The following LRRC31 variants were observed in gnomAD, a reference collection of about 807,000 sequenced individuals.
The protein encoded by LRRC31 is leucine rich repeat containing 31.
LRRC31 carries 35 observed loss-of-function variants against 46.7 expected under a neutral mutation model. The ratio of observed to expected loss-of-function variants is 0.75; its 90% CI spans 0.57 to 0.99. The LOEUF (loss-of-function observed/expected upper bound fraction) is 0.99. LRRC31 is among the 50% of genes least tolerant of loss of function. The probability of loss-of-function intolerance (pLI) is 0.00; values close to 1 mark genes in which losing one functional copy is unlikely to be tolerated. For synonymous variants in LRRC31, 236 were observed against 235.1 expected (o/e 1.00, Z -0.03); for missense variants, 613 against 626.1 (o/e 0.98, Z 0.22).
At position 169,839,860 on chromosome 3, in the gene LRRC31, CT is replaced by C. The variant is rs1474942910; in HGVS notation, c.*121del. ...AATATATATATATATTTACAAAGCT[CT>C]TGTAATATAAGTCCCATTAAATGGC... On this transcript the variant is annotated 3_prime_UTR_variant, in exon 9 of 9. Transcript: ENST00000316428. The C allele has an allele frequency of 3.6e-5, 18 of 502,706 alleles. No individual in the cohort carries two copies. The highest frequency in any genetic ancestry group is 2.0e-4 in the East Asian group (6 of 30,522). 31.1% of individuals were successfully genotyped at this position (502,706 alleles called of 1,614,324 possible).
At chr3:169,856,639 A>G in intron 4 of LRRC31, 66 bp downstream of exon 4, 2 of 1,476,438 alleles carry the variant, frequency 1.4e-6, no homozygotes, top group Non-Finnish European at 1.8e-6. Context: ...GACAAAACAC[A>G]GCAAACTTCC....
rs1182301506 is a variant in LRRC31, at chr3:169,839,902, C to A, written c.*80G>T. ...ATTAAATGGCCCAGAAGTTGAAATT[C>A]AGTTCATGACTCTGGAATTCGTTCA... On this transcript the variant is annotated 3_prime_UTR_variant, in exon 9 of 9. Coordinates refer to ENST00000316428, the MANE Select transcript of LRRC31 (RefSeq NM_024727.4). The A allele has an allele frequency of 1.3e-5, 14 of 1,086,770 alleles. No individual in the cohort carries two copies. The highest frequency in any genetic ancestry group is 1.5e-5 in the Non-Finnish European group (11 of 757,524). The allele number at this position is 1,086,770 out of a possible 1,614,324, so 67.3% of individuals were successfully genotyped here. A position where few individuals can be genotyped will look rare whatever the true frequency, so the allele number is the denominator to read the frequency against.
At chr3:169,853,146 C>G in intron 6 of LRRC31, 3 of 887,320 alleles carry the variant, frequency 3.4e-6, no homozygotes, top group Non-Finnish European at 4.1e-6. Flanking sequence ...CTTGCCATAC[C>G]GAAGCTCCCT....
At chr3:169,856,160 G>C (rs1780934395) in intron 5 of LRRC31, among the ~76,000 whole-genome samples, 176 bp downstream of exon 5, 1 of 152,112 alleles carries the variant, frequency 6.6e-6, no homozygotes, top group Non-Finnish European at 1.5e-5. Context: ...TGGGATTGCA[G>C]ATGTAAGCCA....
intron 6 of LRRC31, among the ~76,000 whole-genome samples, chr3:169,854,402 A>T (rs1282140937): frequency 6.6e-6 from 1 of 151,640 alleles, no homozygotes; most frequent in Non-Finnish European, 1.5e-5. Context: ...CACCCTGCTG[A>T]CTCTTTTTCT....
intron 6 of LRRC31, chr3:169,853,787 A>G: frequency 1.1e-6 from 1 of 874,528 alleles, no homozygotes; most frequent in Non-Finnish European, 1.4e-6. Context: ...CTAGAAACAT[A>G]TTTTACGGTC....
intron 7 of LRRC31, 73 bp downstream of exon 7, chr3:169,851,546 G>C: frequency 6.9e-7 from 1 of 1,439,702 alleles, no homozygotes; most frequent in South Asian, 1.3e-5. Context: ...GCCTTGGAAT[G>C]AAATGCAGGG....
chr3:169,857,415 C>CAT (rs1553924970), intron 3 of LRRC31, among the ~76,000 whole-genome samples: 3,131 of 98,662 alleles, frequency 0.032, 332 homozygotes, highest in African/African-American at 0.11. Flanking sequence ...TATACATATA[C>CAT]ATATATATAT....
chr3:169,867,050 TGTTTG>T lies in LRRC31; in HGVS notation c.175+2578_175+2582del, dbSNP rs1560636125. Among the ~76,000 whole-genome samples, 303 of 128,676 alleles carry T rather than the reference TGTTTG, an allele frequency of 2.4e-3. 40 individuals carry two copies. Among genetic ancestry groups the T allele is most frequent in the African/African-American group, 0.01 (265 of 25,900 alleles). 84.4% of individuals were successfully genotyped at this position (128,676 alleles called of 152,430 possible). On this transcript the variant is annotated intron_variant, in intron 1 of 8. Coordinates refer to ENST00000316428, the MANE Select transcript of LRRC31 (RefSeq NM_024727.4). ...AAATTGGCCATGGGTTTTTTTTGTT[TGTTTG>T]TTTGTTTTTTTTTTTTTGAGGGTCT...
chr3:169,843,453 C>T (rs951142478), intron 8 of LRRC31, among the ~76,000 whole-genome samples: 1 of 152,142 alleles, frequency 6.6e-6, no homozygotes, highest in Non-Finnish European at 1.5e-5. Flanking sequence ...CACAGAGAAC[C>T]GACACAAGCT....
intron 3 of LRRC31, among the ~76,000 whole-genome samples, chr3:169,857,993 T>A (rs1470495564): frequency 6.6e-6 from 1 of 152,160 alleles, no homozygotes; most frequent in Non-Finnish European, 1.5e-5. Context: ...AGCTCATGAT[T>A]GATTAGTTAT....
In LRRC31 at chr3:169,851,850, T is replaced by G. The variant is rs1576788437; in HGVS notation, c.992-64A>C. 2.0e-6 allele frequency: 3 copies of G among 1,523,946 alleles called. No homozygotes were observed. In the East Asian group the frequency reaches 6.8e-5, roughly 34 times the overall value. The allele number at this position is 1,523,946 out of a possible 1,614,324, so 94.4% of individuals were successfully genotyped here. Reference sequence around the variant, plus strand: ...TCTCACAGGGAGTCTTCTGGGTGTTTGGTTCCCACAATCTGTTTAATCTGT... The same window carrying G: ...TCTCACAGGGAGTCTTCTGGGTGTTGGGTTCCCACAATCTGTTTAATCTGT... On this transcript the variant is annotated intron_variant, in intron 6 of 8. Coordinates refer to ENST00000316428, the MANE Select transcript of LRRC31 (RefSeq NM_024727.4).
In LRRC31 at chr3:169,860,665, C is replaced by T; in HGVS notation, c.383G>A (p.Gly128Asp). The T allele has an allele frequency of 6.2e-7, 1 of 1,614,134 alleles. No individual in the cohort carries two copies. Reference protein sequence around the residue: ...ELDISWNGFVGGTLLSITQQM... With the variant: ...ELDISWNGFVDGTLLSITQQM... ...CTGAGTGATGGAAAGGAGGGTTCCACCTACAAAACCATTCCAGGAGATATC... is the reference window on the plus strand; with the variant it reads ...CTGAGTGATGGAAAGGAGGGTTCCATCTACAAAACCATTCCAGGAGATATC... Residue 128 changes from glycine (G) to aspartate (D), a missense_variant, in exon 3 of 9, where the codon GGT becomes GAT. Physicochemically the swap from Gly to Asp is moderately conservative, Grantham distance 94. Coordinates refer to ENST00000316428, the MANE Select transcript of LRRC31 (RefSeq NM_024727.4).
At chr3:169,840,454 C>T (rs1780413746) in intron 8 of LRRC31, 141 bp from the exon 9 acceptor site, 2 of 881,810 alleles carry the variant, frequency 2.3e-6, no homozygotes, top group South Asian at 1.5e-5. Context: ...CAGCTTTATT[C>T]AGGACATCTG....
intron 7 of LRRC31, among the ~76,000 whole-genome samples, chr3:169,849,996 C>T (rs752426281): frequency 2.0e-5 from 3 of 152,234 alleles, no homozygotes; most frequent in Admixed American, 1.3e-4. Context: ...TGCCCCCATA[C>T]ACGTGATTGG....
At chr3:169,845,662 T>C (rs11928433) in intron 8 of LRRC31, among the ~76,000 whole-genome samples, 44,217 of 151,972 alleles carry the variant, frequency 0.29, 6,885 homozygotes, top group East Asian at 0.62. Context: ...TATGCAAAAA[T>C]ATTAACCTCT....
chr3:169,852,155 T>G (rs1780796824), intron 6 of LRRC31, among the ~76,000 whole-genome samples: 1 of 151,570 alleles, frequency 6.6e-6, no homozygotes, highest in South Asian at 2.1e-4. Context: ...TCCCAGCACT[T>G]TGGGAGGCTG....
chr3:169,867,041 T>G (rs1395044154), intron 1 of LRRC31, among the ~76,000 whole-genome samples: 2 of 126,972 alleles, frequency 1.6e-5, no homozygotes, highest in African/African-American at 4.6e-5. Context: ...GCCATGGGTT[T>G]TTTTTGTTTG....
rs1207798558 is a variant in LRRC31 at position 169,861,884 on chromosome 3, C to G, written c.176-71G>C. On this transcript the variant is annotated intron_variant, in intron 1 of 8. Transcript: ENST00000316428. ...ATTAAAGATGCATAATGACCACAAT[C>G]AGACAAGTGAAAAGACTGCATAACT... is the stretch of plus-strand genomic sequence containing the variant. The G allele has an allele frequency of 2.4e-5, 35 of 1,478,504 alleles. No individual in the cohort carries two copies. In the African/African-American group the frequency reaches 4.1e-4, roughly 17 times the overall value. 91.6% of individuals were successfully genotyped at this position (1,478,504 alleles called of 1,614,324 possible).
Sources: gnomAD v4.1 joint callset for allele counts (sites outside exome capture counted in the v4.1 genomes callset) on GRCh38, gnomAD v4.1.1 for gene constraint, MANE v1.5 for transcripts, NCBI Gene and HGNC (gene_info 2026-07-23, HGNC 2026-07-21) for gene names.